CRYBG2: variants seen among roughly 807,000 people sequenced by gnomAD.
CRYBG2 encodes beta/gamma crystallin domain-containing protein 2.
Under a neutral mutation model 153.4 loss-of-function variants are expected in CRYBG2, and 106 were observed. The ratio of observed to expected loss-of-function variants is 0.69; its 90% CI spans 0.59 to 0.81. The LOEUF (loss-of-function observed/expected upper bound fraction) is 0.81, where lower values mean the gene tolerates loss of function less well. CRYBG2 is among the 30% of genes least tolerant of loss of function. CRYBG2 has a pLI of 0.00. For missense variants in CRYBG2, 1,996 were observed against 2,112.0 expected (o/e 0.95, Z 1.08); for synonymous variants, 851 against 877.8 (o/e 0.97, Z 0.54).
chr1:26,343,154 G>A lies in CRYBG2; in HGVS notation c.2967C>T (p.Ile989=). The change falls in exon 4 of 20, where the codon ATC becomes ATT. Residue 989 remains isoleucine (I), a synonymous_variant. Coordinates refer to ENST00000308182, the MANE Select transcript of CRYBG2 (RefSeq NM_001039775.4). The surrounding 1 kb of genome is among the most constrained non-coding windows in gnomAD (Gnocchi z 4.1). ...CTTGGCAGCCAGACTCTGAGAAGAA[G>A]ATCACCTGAGAAGGCACAGAAGGGG... The part of the protein sequence containing the change: ...GKLNTRPGKV[I]FFSESGCQGS... 2 of 1,550,632 alleles carry A rather than the reference G, an allele frequency of 1.3e-6. No homozygotes were observed. The highest frequency in any genetic ancestry group is 8.7e-7 in the Non-Finnish European group (1 of 1,146,996).
chr1:26,336,386 G>C lies in CRYBG2; in HGVS notation c.4039-16C>G. ...GCTCCCCGACCTGAAGGTAGGGACC[G>C]AATCGAGAATTAGGGAGGGTGCCGG... On this transcript the variant is annotated splice_polypyrimidine_tract_variant and intron_variant, in intron 12 of 19. Coordinates refer to ENST00000308182, the MANE Select transcript of CRYBG2 (RefSeq NM_001039775.4). This position sits in a 1 kb window ranked among gnomAD's most constrained non-coding sequence, Gnocchi z 4.9. The C allele has an allele frequency of 1.2e-6, 2 of 1,612,590 alleles. No homozygotes were observed. The highest frequency in any genetic ancestry group is 1.7e-6 in the Non-Finnish European group (2 of 1,179,304).
Position 26,337,028 on chromosome 1 carries a change from C to G in CRYBG2, c.3772-48G>C, listed in dbSNP as rs748980242. On this transcript the variant is annotated intron_variant, in intron 10 of 19. Transcript: ENST00000308182. ...GTCTCTCCCGCCCACAAACCGAAAC[C>G]CCTGGGAGTGCCCAGACCCCAGGGT... 10 of 1,606,446 alleles carry G rather than the reference C, an allele frequency of 6.2e-6. No individual in the cohort carries two copies. The South Asian group carries it at 1.0e-4, about 16-fold the overall frequency.
chr1:26,322,030 C>T lies in CRYBG2; in HGVS notation c.4924G>A (p.Val1642Met), dbSNP rs747024946. The T allele has an allele frequency of 6.2e-6, 10 of 1,607,274 alleles. No individual in the cohort carries two copies. The highest frequency in any genetic ancestry group is 4.0e-5 in the African/African-American group (3 of 74,918). The change falls in exon 20 of 20, where the codon GTG becomes ATG. Residue 1642 changes from valine (V) to methionine (M), a missense_variant. By Grantham distance (21) the Val-to-Met change is conservative. Coordinates refer to ENST00000308182, the MANE Select transcript of CRYBG2 (RefSeq NM_001039775.4). The stretch of plus-strand genomic sequence containing the variant: ...TCCTCATCCGGCTCCCATAGCACCA[C>T]GTGGTCCCGGTCGTAGCCCCGGCCT... ...KGGRGYDRDH[V>M]VLWEPDEDRA...
rs2074183836 is a variant in CRYBG2, at chr1:26,344,752, C to T, written c.1906G>A (p.Gly636Ser). 6.5e-7 allele frequency: 1 copy of T among 1,536,010 alleles called. No individual in the cohort carries two copies. Among genetic ancestry groups the T allele is most frequent in the Non-Finnish European group, 8.7e-7 (1 of 1,146,846 alleles). ...TGGATGCTACTGCTGCCTTTTGGGC[C>T]CTGGACAACCTCAGTTGACTTGGGG... ...LSPKSTEVVQ[G>S]PKGSSSIQKE... Residue 636 changes from glycine (G) to serine (S), a missense_variant, in exon 2 of 20, where the codon GGC becomes AGC. Coordinates refer to ENST00000308182, the MANE Select transcript of CRYBG2 (RefSeq NM_001039775.4).
chr1:26,332,444 C>G (rs2074008264), intron 14 of CRYBG2, among the ~76,000 whole-genome samples: 1 of 151,886 alleles, frequency 6.6e-6, no homozygotes, highest in South Asian at 2.1e-4. Context: ...TTATAGCAAA[C>G]TTCCTTTAAA....
chr1:26,329,591 C>T (rs1038740540), intron 15 of CRYBG2, among the ~76,000 whole-genome samples: 1 of 148,576 alleles, frequency 6.7e-6, no homozygotes, highest in African/African-American at 2.5e-5. Context: ...GCAATCCTCC[C>T]ACCTCAGCCT....
rs1417487378 is a variant in CRYBG2, at chr1:26,344,777, G to A, written c.1881C>T (p.Ser627=). 1.3e-6 allele frequency: 2 copies of A among 1,535,900 alleles called. No homozygotes were observed. The highest frequency in any genetic ancestry group is 1.4e-5 in the African/African-American group (1 of 72,986). ...CCTGGACAACCTCAGTTGACTTGGG[G>A]GACAAGGCAGCAGGAGCACCAGACC... is the stretch of plus-strand genomic sequence containing the variant. The part of the protein sequence containing the change: ...VQGSGAPAAL[S]PKSTEVVQGP... The change falls in exon 2 of 20, where the codon TCC becomes TCT. Residue 627 remains serine, a synonymous_variant. Transcript: ENST00000308182.
rs374694318 is a variant in CRYBG2, at chr1:26,322,254, C to T, written c.4807G>A (p.Glu1603Lys). The stretch of plus-strand genomic sequence containing the variant: ...CACGTCTGGCGCGGCAGGCGGCTCT[C>T]GGCCCACAGCACCACCTTGGAGCCT... The part of the protein sequence containing the change: ...SPGSKVVLWA[E>K]SRLPRQTWSI... Residue 1603 changes from glutamate to lysine, a missense_variant, in exon 19 of 20, where the codon GAG (glutamate) becomes AAG (lysine). Glu to Lys is a moderately conservative substitution (Grantham distance 56). Coordinates refer to ENST00000308182, the MANE Select transcript of CRYBG2 (RefSeq NM_001039775.4). 2.1e-4 allele frequency: 339 copies of T among 1,613,950 alleles called. No individual in the cohort carries two copies. Among genetic ancestry groups the T allele is most frequent in the Non-Finnish European group, 2.6e-4 (305 of 1,180,038 alleles).
At position 26,337,375 on chromosome 1, in the gene CRYBG2, C is replaced by T; in HGVS notation, c.3649G>A (p.Val1217Met). Residue 1217 changes from valine to methionine, a missense_variant, in exon 10 of 20, where the codon GTG becomes ATG. Coordinates refer to ENST00000308182, the MANE Select transcript of CRYBG2 (RefSeq NM_001039775.4). ...CGGAAGCCCTCCTTCTCGTAGCCCA[C>T]CCAGCTGGGAAAAGCAGGAGGACAG... ...GSLRVLGGCWVGYEKEGFRGH... is the reference protein window; with the variant it reads ...GSLRVLGGCWMGYEKEGFRGH... 2 of 1,613,326 alleles carry T rather than the reference C, an allele frequency of 1.2e-6. No homozygotes were observed. Among genetic ancestry groups the T allele is most frequent in the Non-Finnish European group, 1.7e-6 (2 of 1,179,576 alleles).
At chr1:26,328,427 C>T (rs2073959384) in intron 16 of CRYBG2, 95 bp from the exon 17 acceptor site, 2 of 1,488,670 alleles carry the variant, frequency 1.3e-6, no homozygotes, top group Admixed American at 4.0e-5. Flanking sequence ...AAACGTTCTC[C>T]ACCTCCTCTT....
In CRYBG2 at chr1:26,324,171, T is replaced by C. The variant is rs2073893222; in HGVS notation, c.4718A>G (p.Asp1573Gly). The C allele has an allele frequency of 6.2e-7, 1 of 1,613,598 alleles. No individual in the cohort carries two copies. The highest frequency in any genetic ancestry group is 2.2e-5 in the East Asian group (1 of 44,852). The change falls in exon 18 of 20, where the codon GAT (aspartate) becomes GGT (glycine). Residue 1573 changes from aspartate to glycine, a missense_variant. Physicochemically the swap from Asp to Gly is moderately conservative, Grantham distance 94. Coordinates refer to ENST00000308182, the MANE Select transcript of CRYBG2 (RefSeq NM_001039775.4). ...CAGTACCTGGTTCTTCAGCAGCCCATCCTCGTAGTACCAGATGCAGCTACC... is the reference window on the plus strand; with the variant it reads ...CAGTACCTGGTTCTTCAGCAGCCCACCCTCGTAGTACCAGATGCAGCTACC... Reference protein sequence around the residue: ...AGGSCIWYYEDGLLKNQMAPT... With the variant: ...AGGSCIWYYEGGLLKNQMAPT...
chr1:26,352,300 T>C (rs116422494), intron 1 of CRYBG2, among the ~76,000 whole-genome samples: 2,235 of 151,784 alleles, frequency 0.015, 30 homozygotes, highest in Middle Eastern at 0.027. Context: ...CACACACAAA[T>C]ATACACTCAC....
Position 26,336,055 on chromosome 1 carries a change from G to GCCCCAGCGC in CRYBG2, c.4184+31_4184+39dup. 1 of 1,396,880 alleles carries GCCCCAGCGC rather than the reference G, an allele frequency of 7.2e-7. No homozygotes were observed. Among genetic ancestry groups the GCCCCAGCGC allele is most frequent in the Non-Finnish European group, 9.5e-7 (1 of 1,051,588 alleles). The allele number at this position is 1,396,880 out of a possible 1,614,324, so 86.5% of individuals were successfully genotyped here. On this transcript the variant is annotated intron_variant, in intron 14 of 19. Coordinates refer to ENST00000308182, the MANE Select transcript of CRYBG2 (RefSeq NM_001039775.4). This position sits in a 1 kb window ranked among gnomAD's most constrained non-coding sequence, Gnocchi z 4.9. ...ACTCTCCTCCTGCAGCCCCGCCTCT[G>GCCCCAGCGC]CCCCAGCGCCCCCAGCCCTCCGCCC...
At chr1:26,334,455 T>A (rs971103579) in intron 14 of CRYBG2, among the ~76,000 whole-genome samples, 2 of 151,726 alleles carry the variant, frequency 1.3e-5, no homozygotes, top group Non-Finnish European at 2.9e-5. Context: ...CAGAAATAGA[T>A]AAAAATGAAA....
chr1:26,346,570 C>G lies in CRYBG2; in HGVS notation c.88G>C (p.Glu30Gln). 1 of 1,606,136 alleles carries G rather than the reference C, an allele frequency of 6.2e-7. No homozygotes were observed. ...LTWRQRPPTQEEIKHGFHKVS... is the reference protein window; with the variant it reads ...LTWRQRPPTQQEIKHGFHKVS... Reference sequence around the variant, plus strand: ...TTGTGAAAACCATGTTTGATCTCTTCCTGGGTGGGGGGCCGCTGCCGCCAT... The same window carrying G: ...TTGTGAAAACCATGTTTGATCTCTTGCTGGGTGGGGGGCCGCTGCCGCCAT... Residue 30 changes from glutamate (E) to glutamine (Q), a missense_variant, in exon 2 of 20, where the codon GAA (glutamate) becomes CAA (glutamine). Physicochemically the swap from Glu to Gln is conservative, Grantham distance 29. Coordinates refer to ENST00000308182, the MANE Select transcript of CRYBG2 (RefSeq NM_001039775.4). The surrounding 1 kb of genome is among the most constrained non-coding windows in gnomAD (Gnocchi z 4.9).
rs772238042 is a variant in CRYBG2 at position 26,342,890 on chromosome 1, GCA to G, written c.3075-9_3075-8del. ...CTCTTCGTACAGCACCCAGCTGTGG[GCA>G]CAGAGATTCCAGGATCACAGATGGG... is the stretch of plus-strand genomic sequence containing the variant. On this transcript the variant is annotated splice_region_variant and splice_polypyrimidine_tract_variant and intron_variant, in intron 4 of 19. Transcript: ENST00000308182. The G allele has an allele frequency of 1.9e-6, 3 of 1,613,952 alleles. No homozygotes were observed. The highest frequency in any genetic ancestry group is 1.1e-5 in the South Asian group (1 of 91,072).
In CRYBG2 at chr1:26,336,296, G is replaced by A. The variant is rs755547998; in HGVS notation, c.4071+42C>T. 1.2e-6 allele frequency: 2 copies of A among 1,611,656 alleles called. No homozygotes were observed. Among genetic ancestry groups the A allele is most frequent in the Non-Finnish European group, 8.5e-7 (1 of 1,178,714 alleles). ...AGGGGAAAGGTCCGAAATGAGGGGA[G>A]AGACGTGAGCCCAGCGGCTCCCTGC... On this transcript the variant is annotated intron_variant, in intron 13 of 19. Coordinates refer to ENST00000308182, the MANE Select transcript of CRYBG2 (RefSeq NM_001039775.4). The surrounding 1 kb of genome is among the most constrained non-coding windows in gnomAD (Gnocchi z 4.9).
intron 1 of CRYBG2, among the ~76,000 whole-genome samples, chr1:26,351,748 C>G (rs1379503793): frequency 1.3e-5 from 2 of 152,158 alleles, no homozygotes; most frequent in Non-Finnish European, 2.9e-5. Context: ...GCCTGCATAC[C>G]TCCAGGGACA....
At position 26,345,627 on chromosome 1, in the gene CRYBG2, G is replaced by A. The variant is rs765534882; in HGVS notation, c.1031C>T (p.Thr344Ile). ...APSSTELPLQ[T>I]SQGQASVPSS... is the part of the protein sequence containing the mutation. ...GGGGACTGATGCTTGACCCTGAGAA[G>A]TCTGGAGAGGGAGCTCAGTGGAACT... Residue 344 changes from threonine (T) to isoleucine (I), a missense_variant, in exon 2 of 20, where the codon ACT (threonine) becomes ATT (isoleucine). Thr to Ile is a moderately conservative substitution (Grantham distance 89). Coordinates refer to ENST00000308182, the MANE Select transcript of CRYBG2 (RefSeq NM_001039775.4). 6.3e-7 allele frequency: 1 copy of A among 1,599,434 alleles called. No homozygotes were observed. The highest frequency in any genetic ancestry group is 8.5e-7 in the Non-Finnish European group (1 of 1,179,792).
Sources: allele counts gnomAD v4.1 joint callset (sites outside exome capture counted in the v4.1 genomes callset), GRCh38; gene constraint gnomAD v4.1.1; non-coding constraint Gnocchi (gnomAD v3.1); transcripts MANE v1.5; gene names NCBI Gene and HGNC (gene_info 2026-07-23, HGNC 2026-07-21).